DYNC2H1: variants seen among roughly 807,000 people sequenced by gnomAD.
The protein encoded by DYNC2H1 is cytoplasmic dynein 2 heavy chain 1.
Under a neutral mutation model 570.0 loss-of-function variants are expected in DYNC2H1, and 410 were observed. That is an observed-to-expected ratio of 0.72 (90% CI 0.66 to 0.78). DYNC2H1 has a LOEUF of 0.78. Ranked by LOEUF, DYNC2H1 falls within the 30% of genes least tolerant of loss-of-function variation. The pLI is 0.00. For synonymous variants in DYNC2H1, 1,688 were observed against 1,677.6 expected (o/e 1.01, Z -0.15); for missense variants, 4,865 against 5,046.4 (o/e 0.96, Z 1.09).
intron 75 of DYNC2H1, among the ~76,000 whole-genome samples, chr11:103,293,014 A>C (rs1411716629): frequency 6.6e-6 from 1 of 152,222 alleles, no homozygotes; most frequent in East Asian, 1.9e-4. Context: ...CTGTATACTT[A>C]CTTTTACCAG....
chr11:103,473,524 G>C (rs1683746103), intron 88 of DYNC2H1, among the ~76,000 whole-genome samples: 1 of 152,116 alleles, frequency 6.6e-6, no homozygotes, highest in Admixed American at 6.5e-5. Context: ...TATGAAAAAT[G>C]ATTCAGTAAA....
rs755163282 is a variant in DYNC2H1 at position 103,204,939 on chromosome 11, G to A, written c.8429G>A (p.Gly2810Asp). 6.3e-7 allele frequency: 1 copy of A among 1,590,738 alleles called. No homozygotes were observed. Among genetic ancestry groups the A allele is most frequent in the Admixed American group, 1.8e-5 (1 of 57,120 alleles). Residue 2810 changes from glycine to aspartate, a missense_variant, in exon 52 of 89, where the codon GGT becomes GAT. This residue lies in a region of DYNC2H1 where 2,401 missense variants were observed against 2,454.6 expected (regional missense o/e 0.98). Transcript: ENST00000375735. This position sits in a 1 kb window ranked among gnomAD's most constrained non-coding sequence, Gnocchi z 4.1. ...AAATGCCAGGTGTTGTGGATGGAGG[G>A]TTGGTCCAATAGCAGTATGAAGAAA... is the stretch of plus-strand genomic sequence containing the variant. ...HKKCQVLWME[G>D]WSNSSMKKIP...
intron 87 of DYNC2H1, 169 bp from the exon 88 acceptor site, chr11:103,468,420 A>C: frequency 2.1e-6 from 1 of 483,526 alleles, no homozygotes. Flanking sequence ...GACAGTGAAC[A>C]CTAGTCCAGG....
At chr11:103,427,421 C>G (rs2449120) in intron 84 of DYNC2H1, among the ~76,000 whole-genome samples, 27,035 of 152,152 alleles carry the variant, frequency 0.18, 2,661 homozygotes, top group Admixed American at 0.26. Context: ...TTTCCCAGAG[C>G]TAAGCTTCAC....
chr11:103,332,363 AT>A (rs1442349464), intron 82 of DYNC2H1, among the ~76,000 whole-genome samples: 6 of 152,096 alleles, frequency 3.9e-5, no homozygotes, highest in Non-Finnish European at 5.9e-5. Flanking sequence ...GGGAGACAAA[AT>A]CAAACCATCT....
intron 55 of DYNC2H1, among the ~76,000 whole-genome samples, chr11:103,216,685 A>C (rs1863397847): frequency 6.6e-6 from 1 of 152,008 alleles, no homozygotes; most frequent in Non-Finnish European, 1.5e-5. Flanking sequence ...CCAGCTACTC[A>C]GGAGGCTGAG....
rs1432419754 is a variant in DYNC2H1, at chr11:103,268,595, T to C, written c.10695+8618T>C. On this transcript the variant is annotated intron_variant, in intron 70 of 88. Transcript: ENST00000375735. The surrounding 1 kb of genome is among the most constrained non-coding windows in gnomAD (Gnocchi z 4.6). ...GTCAGTCTTGTAATAATGTGTTTAA[T>C]GGTTTTTAAATTTTTATTTCTAAGA... Among the ~76,000 whole-genome samples, 1 of 152,036 alleles carries C rather than the reference T, an allele frequency of 6.6e-6. No individual in the cohort carries two copies. Among genetic ancestry groups the C allele is most frequent in the Non-Finnish European group, 1.5e-5 (1 of 67,898 alleles).
At position 103,287,592 on chromosome 11, in the gene DYNC2H1, A is replaced by G. The variant is rs1449838753; in HGVS notation, c.11082A>G (p.Ala3694=). 23 of 1,611,860 alleles carry G rather than the reference A, an allele frequency of 1.4e-5. No individual in the cohort carries two copies. The highest frequency in any genetic ancestry group is 2.2e-5 in the East Asian group (1 of 44,802). Residue 3694 remains alanine, a synonymous_variant, in exon 75 of 89, where the codon GCA becomes GCG. Transcript: ENST00000375735. ...TGCAAAGTGCCATGGCTCTTTTTGC[A>G]TGTAAAACTCTGGGTAAGTGTGATG... ...DRLQSAMALF[A]CKTLGLKEVS...
chr11:103,115,135 C>T (rs775754310), intron 3 of DYNC2H1, 42 bp from the exon 4 acceptor site: 3 of 1,429,306 alleles, frequency 2.1e-6, no homozygotes, highest in Admixed American at 2.0e-5. Flanking sequence ...TTTTTTTTCT[C>T]TGATATTCTA....
Position 103,199,439 on chromosome 11 carries a change from G to T in DYNC2H1, c.8051G>T (p.Gly2684Val). Residue 2684 changes from glycine (G) to valine (V), a missense_variant, in exon 49 of 89, where the codon GGA (glycine) becomes GTA (valine). Physicochemically the swap from Gly to Val is moderately radical, Grantham distance 109. Coordinates refer to ENST00000375735, the MANE Select transcript of DYNC2H1 (RefSeq NM_001377.3). This position sits in a 1 kb window ranked among gnomAD's most constrained non-coding sequence, Gnocchi z 4.6. Reference protein sequence around the residue: ...AVLFSPKISRGYELKQFKNDL... With the variant: ...AVLFSPKISRVYELKQFKNDL... ...CTGTTTTCTCCAAAGATTTCCAGAG[G>T]ATATGAACTGAAGCAGTTCAAAAAT... The T allele has an allele frequency of 1.2e-6, 2 of 1,606,492 alleles. No individual in the cohort carries two copies. The highest frequency in any genetic ancestry group is 4.5e-5 in the East Asian group (2 of 44,692).
In DYNC2H1 at chr11:103,351,688, T is replaced by G. The variant is rs182169710; in HGVS notation, c.12040-6555T>G. ...TCCTGTATATCTTTTTAAAAATGTT[T>G]GATGTTTATTTCTTGAATCTGTGTT... is the stretch of plus-strand genomic sequence containing the variant. On this transcript the variant is annotated intron_variant, in intron 82 of 88. Coordinates refer to ENST00000375735, the MANE Select transcript of DYNC2H1 (RefSeq NM_001377.3). Among the ~76,000 whole-genome samples, 3 of 152,322 alleles carry G rather than the reference T, an allele frequency of 2.0e-5. No individual in the cohort carries two copies. The East Asian group carries it at 5.8e-4, about 29-fold the overall frequency.
rs1278794486 is a variant in DYNC2H1, at chr11:103,280,306, C to G, written c.10696-42C>G. On this transcript the variant is annotated intron_variant, in intron 70 of 88. Coordinates refer to ENST00000375735, the MANE Select transcript of DYNC2H1 (RefSeq NM_001377.3). This position sits in a 1 kb window ranked among gnomAD's most constrained non-coding sequence, Gnocchi z 4.7. The stretch of plus-strand genomic sequence containing the variant: ...TAACGACTATGCTTTTCCAAAGACA[C>G]AAATTTTTAAAAGGCAAGATAATAT... 1.3e-6 allele frequency: 2 copies of G among 1,543,928 alleles called. No individual in the cohort carries two copies. The highest frequency in any genetic ancestry group is 1.8e-6 in the Non-Finnish European group (2 of 1,141,604).
rs1864992635 is a variant in DYNC2H1, at chr11:103,254,985, C to G, written c.10207-430C>G. On this transcript the variant is annotated intron_variant, in intron 66 of 88. Transcript: ENST00000375735. This position sits in a 1 kb window ranked among gnomAD's most constrained non-coding sequence, Gnocchi z 4.9. The stretch of plus-strand genomic sequence containing the variant: ...ATGGAGTTTCACTATGTTAGCCAGG[C>G]TGGTCTCGAACTCCTTACCTCGTGA... 6.6e-6 allele frequency among the ~76,000 whole-genome samples: 1 copy of G among 151,914 alleles called. No individual in the cohort carries two copies. The highest frequency in any genetic ancestry group is 1.5e-5 in the Non-Finnish European group (1 of 67,998).
rs964733581 is a variant in DYNC2H1, at chr11:103,168,779, T to G, written c.4787T>G (p.Leu1596Arg). The change falls in exon 32 of 89, where the codon CTT becomes CGT. Residue 1596 changes from leucine to arginine, a missense_variant. Transcript: ENST00000375735. The part of the protein sequence containing the change: ...NTESGILELK[L>R]KALILDIIHN... ...GAATCGGGCATCCTGGAGCTTAAACTTAAAGCCCTAATTCTTGACATTATC... is the reference window on the plus strand; with the variant it reads ...GAATCGGGCATCCTGGAGCTTAAACGTAAAGCCCTAATTCTTGACATTATC... 1 of 1,613,002 alleles carries G rather than the reference T, an allele frequency of 6.2e-7. No homozygotes were observed. Among genetic ancestry groups the G allele is most frequent in the African/African-American group, 1.3e-5 (1 of 75,020 alleles).
intron 85 of DYNC2H1, among the ~76,000 whole-genome samples, chr11:103,437,239 CCATCTTCGT>C (rs576288970): frequency 1.0e-3 from 155 of 152,226 alleles, no homozygotes; most frequent in African/African-American, 3.6e-3. Flanking sequence ...TTGTTTGAAG[CCATCTTCGT>C]CATCTTTGTT....
chr11:103,463,898 C>A (rs576199335), intron 87 of DYNC2H1, among the ~76,000 whole-genome samples: 1 of 152,334 alleles, frequency 6.6e-6, no homozygotes, highest in South Asian at 2.1e-4. Context: ...TCCACGAGAT[C>A]TGCAGTATCC....
chr11:103,353,634 C>T (rs1340529635), intron 82 of DYNC2H1, among the ~76,000 whole-genome samples: 2 of 151,924 alleles, frequency 1.3e-5, no homozygotes, highest in African/African-American at 4.8e-5. Context: ...GCTTTTTTCC[C>T]TGTAATACTT....
At chr11:103,445,339 CT>C (rs1441947110) in intron 85 of DYNC2H1, among the ~76,000 whole-genome samples, 1 of 152,098 alleles carries the variant, frequency 6.6e-6, no homozygotes, top group African/African-American at 2.4e-5. Context: ...ACATTTGGGG[CT>C]TCTTTCTATG....
At chr11:103,403,699 G>A (rs1196341921) in intron 84 of DYNC2H1, 4 of 152,028 alleles carry the variant, frequency 2.6e-5, no homozygotes, top group South Asian at 4.1e-4. Flanking sequence ...AGTGTAGGAC[G>A]TCTTCGGATG....
Sources: allele counts gnomAD v4.1 joint callset (sites outside exome capture counted in the v4.1 genomes callset), GRCh38; gene constraint gnomAD v4.1.1; regional missense constraint gnomAD v4.1.1; non-coding constraint Gnocchi (gnomAD v3.1); transcripts MANE v1.5; gene names NCBI Gene and HGNC (gene_info 2026-07-23, HGNC 2026-07-21).